Variants in NDUFB2 observed in about 807,000 individuals in gnomAD.
The protein encoded by NDUFB2 is NADH:ubiquinone oxidoreductase subunit B2.
Under a neutral mutation model 13.4 loss-of-function variants are expected in NDUFB2, and 13 were observed. The observed-to-expected ratio is 0.97, with a 90% CI of 0.63 to 1.54. NDUFB2 has a LOEUF of 1.54. Ranked by LOEUF, NDUFB2 falls within the 40% of genes most tolerant of loss-of-function variation. The probability of loss-of-function intolerance (pLI) is 0.00; values close to 1 mark genes in which losing one functional copy is unlikely to be tolerated. For synonymous variants in NDUFB2, 47 were observed against 50.6 expected, an observed-to-expected ratio of 0.93 and a Z score of 0.30; for missense variants, 150 against 139.7, an observed-to-expected ratio of 1.07 and a Z score of -0.37.
At chr7:140,703,058 G>A (rs1430368410) in intron 2 of NDUFB2, 48 bp downstream of exon 2, 10 of 1,603,708 alleles carry the variant, frequency 6.2e-6, no homozygotes, top group Non-Finnish European at 8.5e-6. Flanking sequence ...GGGGGAGGGA[G>A]GATGTATTAA....
At chr7:140,697,086 C>T (rs934691710) in intron 1 of NDUFB2, 29 of 583,944 alleles carry the variant, frequency 5.0e-5, no homozygotes, top group Non-Finnish European at 7.9e-5. Context: ...TAGTAGGGGC[C>T]GCCTGCCCTC....
At chr7:140,698,276 C>T (rs758007850) in intron 1 of NDUFB2, 5 of 1,351,032 alleles carry the variant, frequency 3.7e-6, no homozygotes, top group Non-Finnish European at 4.9e-6. Flanking sequence ...GAGGTGCTGG[C>T]TTGTTCGTAA....
At chr7:140,699,625 C>G (rs894485944) in intron 1 of NDUFB2, among the ~76,000 whole-genome samples, 1 of 151,960 alleles carries the variant, frequency 6.6e-6, no homozygotes. Context: ...TTGGGTGGGC[C>G]CCAGGCTGCG....
intron 1 of NDUFB2, among the ~76,000 whole-genome samples, chr7:140,699,159 A>AAAAAAT (rs1441229582): frequency 6.6e-6 from 1 of 152,214 alleles, no homozygotes; most frequent in South Asian, 2.1e-4. Context: ...CCCCGTCTCA[A>AAAAAAT]AAAAATAAAA....
At chr7:140,701,733 G>A (rs948099695) in intron 1 of NDUFB2, 27 of 224,814 alleles carry the variant, frequency 1.2e-4, no homozygotes, top group African/African-American at 5.7e-4. Context: ...AGGAGTTCGA[G>A]ACCAGTCTGG....
intron 1 of NDUFB2, chr7:140,697,138 G>A (rs1563213807): frequency 3.4e-6 from 2 of 590,618 alleles, no homozygotes; most frequent in Non-Finnish European, 6.0e-6. Context: ...GAGCCAGTCG[G>A]CGCCGGCGCG....
intron 3 of NDUFB2, 109 bp downstream of exon 3, chr7:140,705,072 G>T: frequency 4.0e-6 from 2 of 497,994 alleles, no homozygotes; most frequent in Non-Finnish European, 6.8e-6. Context: ...CTAACAGCAT[G>T]AAGTTGAGTT....
intron 1 of NDUFB2, chr7:140,698,040 C>T (rs1308838341): frequency 1.5e-6 from 2 of 1,295,908 alleles, no homozygotes; most frequent in Admixed American, 2.3e-5. Flanking sequence ...TGCTAAGGAC[C>T]GTACAAGTAT....
intron 1 of NDUFB2, chr7:140,702,000 G>T: frequency 1.4e-6 from 1 of 699,886 alleles, no homozygotes; most frequent in Non-Finnish European, 2.6e-6. Flanking sequence ...CCCTGTTACT[G>T]TTCACGAATC....
rs1438407263 is a variant in NDUFB2, at chr7:140,697,465, C to T, written c.98+623C>T. The T allele has an allele frequency of 5.3e-5, 37 of 696,976 alleles. No homozygotes were observed. The East Asian group carries it at 9.7e-4, about 18-fold the overall frequency. The allele number at this position is 696,976 out of a possible 1,614,324, so 43.2% of individuals were successfully genotyped here. Reference sequence around the variant, plus strand: ...TTAGGAGAGTGACAGGCAGAGCCGCCCGCGAGGTGGCCCGAGACGCAGACC... The same window carrying T: ...TTAGGAGAGTGACAGGCAGAGCCGCTCGCGAGGTGGCCCGAGACGCAGACC... On this transcript the variant is annotated intron_variant, in intron 1 of 3. Transcript: ENST00000247866.
chr7:140,696,923 G>A lies in NDUFB2; in HGVS notation c.98+81G>A. Reference sequence around the variant, plus strand: ...CCCTGGGACGCTCTCACCTTGACTGGGGCGCCTGAAGAGGCCGCGTCCCGA... The same window carrying A: ...CCCTGGGACGCTCTCACCTTGACTGAGGCGCCTGAAGAGGCCGCGTCCCGA... On this transcript the variant is annotated intron_variant, in intron 1 of 3. Coordinates refer to ENST00000247866, the MANE Select transcript of NDUFB2 (RefSeq NM_004546.3). 5 of 1,357,520 alleles carry A rather than the reference G, an allele frequency of 3.7e-6. No homozygotes were observed. The South Asian group carries it at 5.0e-5, about 14-fold the overall frequency. The allele number at this position is 1,357,520 out of a possible 1,614,324, so 84.1% of individuals were successfully genotyped here.
intron 2 of NDUFB2, 98 bp from the exon 3 acceptor site, chr7:140,704,762 G>A: frequency 1.6e-6 from 1 of 633,352 alleles, no homozygotes; most frequent in Non-Finnish European, 2.4e-6. Flanking sequence ...GAGCCATATT[G>A]TTTTTTTTTT....
intron 1 of NDUFB2, chr7:140,702,087 T>C: frequency 2.9e-6 from 2 of 700,684 alleles, no homozygotes; most frequent in Non-Finnish European, 5.2e-6. Context: ...AAAGAGAATA[T>C]GGTTTACAAG....
chr7:140,703,219 G>T (rs1361104139), intron 2 of NDUFB2, among the ~76,000 whole-genome samples: 4 of 151,122 alleles, frequency 2.6e-5, no homozygotes, highest in Non-Finnish European at 4.4e-5. Context: ...ATATTTAGGT[G>T]GTCCGTTTCT....
At chr7:140,698,750 T>C (rs1037520928) in intron 1 of NDUFB2, among the ~76,000 whole-genome samples, 1 of 151,954 alleles carries the variant, frequency 6.6e-6, no homozygotes, top group East Asian at 1.9e-4. Context: ...CAGGGACAAG[T>C]GTGGGGGCCG....
intron 1 of NDUFB2, chr7:140,697,061 G>A: frequency 1.7e-6 from 1 of 598,152 alleles, no homozygotes; most frequent in Non-Finnish European, 3.0e-6. Flanking sequence ...GACACCGTGT[G>A]CAGGGCCGTC....
intron 1 of NDUFB2, 27 bp downstream of exon 1, chr7:140,696,869 C>T: frequency 1.9e-6 from 3 of 1,575,002 alleles, no homozygotes; most frequent in Non-Finnish European, 2.6e-6. Context: ...GGATGGGGGC[C>T]TCGCCGGCCT....
At chr7:140,697,304 CG>C in intron 1 of NDUFB2, 1 of 702,812 alleles carries the variant, frequency 1.4e-6, no homozygotes, top group South Asian at 1.5e-5. Flanking sequence ...AGCCTTTAAT[CG>C]GAGACGTCAC....
In NDUFB2 at chr7:140,702,877, G is replaced by C; in HGVS notation, c.110G>C (p.Gly37Ala). 5 of 1,614,146 alleles carry C rather than the reference G, an allele frequency of 3.1e-6. No homozygotes were observed. Among genetic ancestry groups the C allele is most frequent in the Non-Finnish European group, 4.2e-6 (5 of 1,180,034 alleles). The change falls in exon 2 of 4, where the codon GGT (glycine) becomes GCT (alanine). Residue 37 changes from glycine to alanine, a missense_variant. Coordinates refer to ENST00000247866, the MANE Select transcript of NDUFB2 (RefSeq NM_004546.3). ...GDGGVRHAGGGVHIEPRYRQF... is the reference protein window; with the variant it reads ...GDGGVRHAGGAVHIEPRYRQF... ...GTTTTGTCTTGCAGTGCCGGTGGTG[G>C]TGTGCACATTGAGCCCCGGTATAGA...
Sources: gnomAD v4.1 joint callset for allele counts (sites outside exome capture counted in the v4.1 genomes callset) on GRCh38, gnomAD v4.1.1 for gene constraint, MANE v1.5 for transcripts, NCBI Gene and HGNC (gene_info 2026-07-23, HGNC 2026-07-21) for gene names.